Variants in GABRG2 observed in about 807,000 individuals in gnomAD.
GABRG2 encodes gamma-aminobutyric acid receptor subunit gamma-2.
In GABRG2, 16 loss-of-function variants were observed where a neutral mutation model predicts 56.4. That is an observed-to-expected ratio of 0.28 (90% CI 0.19 to 0.43). The LOEUF (loss-of-function observed/expected upper bound fraction) is 0.43, where lower values mean the gene tolerates loss of function less well. Ranked by LOEUF, GABRG2 falls within the 20% of genes least tolerant of loss-of-function variation. The pLI, the probability that GABRG2 is intolerant of heterozygous loss-of-function variation, is 1.00. For missense variants in GABRG2, 327 were observed against 582.7 expected (o/e 0.56, Z 4.52); for synonymous variants, 208 against 205.5 (o/e 1.01, Z -0.10).
At chr5:162,132,742 A>C (rs1358396087) in intron 6 of GABRG2, among the ~76,000 whole-genome samples, 1 of 152,050 alleles carries the variant, frequency 6.6e-6, no homozygotes, top group Non-Finnish European at 1.5e-5. Context: ...TCTCTTCTGA[A>C]GTGCTGAAAC....
chr5:162,089,802 T>A (rs1324702675), intron 1 of GABRG2, among the ~76,000 whole-genome samples: 3 of 152,122 alleles, frequency 2.0e-5, no homozygotes, highest in Non-Finnish European at 2.9e-5. Flanking sequence ...TATTTGCTGT[T>A]CTACTATCCT....
intron 6 of GABRG2, among the ~76,000 whole-genome samples, chr5:162,119,023 G>A (rs1561650721): frequency 6.6e-6 from 1 of 152,108 alleles, no homozygotes; most frequent in African/African-American, 2.4e-5. Flanking sequence ...AGGGGCATTT[G>A]AGAATGCTGG....
Position 162,067,969 on chromosome 5 carries a change from A to AAGAGGC in GABRG2, c.-30_-25dup, listed in dbSNP as rs1256503173. On this transcript the variant is annotated 5_prime_UTR_variant, in exon 1 of 10. Coordinates refer to ENST00000639213, the MANE Select transcript of GABRG2 (RefSeq NM_198904.4). ...AGGGATTCTTCTGCAACCAAGAGGC[A>AAGAGGC]AGAGGCGAGAGAAGGAAAAAAAAAA... 6.9e-7 allele frequency: 1 copy of AAGAGGC among 1,444,474 alleles called. No individual in the cohort carries two copies. The highest frequency in any genetic ancestry group is 2.3e-5 in the East Asian group (1 of 44,030). The allele number at this position is 1,444,474 out of a possible 1,614,324, so 89.5% of individuals were successfully genotyped here.
chr5:162,124,054 G>A (rs1014596632), intron 6 of GABRG2, among the ~76,000 whole-genome samples: 1 of 151,864 alleles, frequency 6.6e-6, no homozygotes, highest in Non-Finnish European at 1.5e-5. Context: ...GGGCCTGAGA[G>A]GCATGAGGAA....
At chr5:162,101,453 A>T in intron 5 of GABRG2, 136 bp downstream of exon 5, 2 of 719,804 alleles carry the variant, frequency 2.8e-6, no homozygotes, top group Non-Finnish European at 5.0e-6. Flanking sequence ...GATTTTGACC[A>T]TCTCTTTCAT....
chr5:162,080,043 G>T (rs1759526468), intron 1 of GABRG2, among the ~76,000 whole-genome samples: 1 of 152,148 alleles, frequency 6.6e-6, no homozygotes, highest in Non-Finnish European at 1.5e-5. Flanking sequence ...GTTGAGCTCT[G>T]AAGTACTGTG....
rs1328282402 is a variant in GABRG2, at chr5:162,078,404, T to G, written c.107+10298T>G. Among the ~76,000 whole-genome samples the G allele has an allele frequency of 1.6e-4, 16 of 99,890 alleles. No homozygotes were observed. The South Asian group carries it at 6.6e-3, about 41-fold the overall frequency. 65.5% of individuals were successfully genotyped at this position (99,890 alleles called of 152,430 possible). A position where few individuals can be genotyped will look rare whatever the true frequency, so the allele number is the denominator to read the frequency against. On this transcript the variant is annotated intron_variant, in intron 1 of 9. Coordinates refer to ENST00000639213, the MANE Select transcript of GABRG2 (RefSeq NM_198904.4). Reference sequence around the variant, plus strand: ...ATATATATATATATATATATTTTTTTTTTTTTTTTTTTTTTTTTTTGAGAC... The same window carrying G: ...ATATATATATATATATATATTTTTTGTTTTTTTTTTTTTTTTTTTTGAGAC...
intron 1 of GABRG2, among the ~76,000 whole-genome samples, chr5:162,090,861 C>A (rs1224936209): frequency 6.6e-6 from 1 of 151,966 alleles, no homozygotes; most frequent in East Asian, 1.9e-4. Flanking sequence ...CTGTTTCTGC[C>A]CAGACATTCT....
chr5:162,134,204 A>G (rs899994342), intron 6 of GABRG2, among the ~76,000 whole-genome samples: 7 of 152,274 alleles, frequency 4.6e-5, no homozygotes, highest in African/African-American at 1.7e-4. Context: ...TAGGCCTGCC[A>G]GTAGGTAGCT....
At chr5:162,112,983 C>T (rs1019759762) in intron 6 of GABRG2, among the ~76,000 whole-genome samples, 12 of 151,962 alleles carry the variant, frequency 7.9e-5, no homozygotes, top group Admixed American at 5.2e-4. Flanking sequence ...GACAGAGTCT[C>T]GCTCTGTTAC....
intron 6 of GABRG2, among the ~76,000 whole-genome samples, chr5:162,113,538 A>C (rs1473782160): frequency 6.6e-6 from 1 of 152,210 alleles, no homozygotes; most frequent in East Asian, 1.9e-4. Context: ...TTCTTTAGAA[A>C]CACTGGAGTA....
intron 6 of GABRG2, among the ~76,000 whole-genome samples, chr5:162,117,184 G>T (rs1461251107): frequency 6.6e-6 from 1 of 152,126 alleles, no homozygotes; most frequent in Non-Finnish European, 1.5e-5. Flanking sequence ...TAGGGTGATG[G>T]GAACAGTCAT....
At chr5:162,081,772 T>C (rs1346771648) in intron 1 of GABRG2, among the ~76,000 whole-genome samples, 1 of 151,874 alleles carries the variant, frequency 6.6e-6, no homozygotes, top group Non-Finnish European at 1.5e-5. Context: ...CAAGTCCAAG[T>C]GTGGTGAGGA....
intron 1 of GABRG2, among the ~76,000 whole-genome samples, chr5:162,092,638 A>G (rs905940580): frequency 6.6e-6 from 1 of 152,040 alleles, no homozygotes; most frequent in Non-Finnish European, 1.5e-5. Flanking sequence ...ATACTTGATG[A>G]CCGAGTATGA....
chr5:162,138,622 C>T (rs2113577458), intron 6 of GABRG2, among the ~76,000 whole-genome samples: 1 of 152,212 alleles, frequency 6.6e-6, no homozygotes, highest in East Asian at 1.9e-4. Context: ...AAGAAGAGTA[C>T]AACACTATTT....
intron 2 of GABRG2, chr5:162,094,662 G>A (rs1292013724): frequency 6.5e-6 from 1 of 152,800 alleles, no homozygotes; most frequent in Non-Finnish European, 1.5e-5. Flanking sequence ...AGAGGCAGAG[G>A]AATAGCCTTA....
chr5:162,068,105 G>A lies in GABRG2; in HGVS notation c.106G>A (p.Gly36Ser), dbSNP rs866056788. Residue 36 changes from glycine (G) to serine (S), a missense_variant and splice_region_variant, in exon 1 of 10, where the codon GGC (glycine) becomes AGC (serine). Physicochemically the swap from Gly to Ser is moderately conservative, Grantham distance 56. This residue lies in a region of GABRG2 where 73 missense variants were observed against 72.2 expected (regional missense o/e 1.01). Coordinates refer to ENST00000639213, the MANE Select transcript of GABRG2 (RefSeq NM_198904.4). ...WILLLLSLYP[G>S]FTSQKSDDDY... ...TCTGCTCCTGCTGTCGCTCTACCCTGGGTAAGATGTGCCCTTTTTGGCGTC... is the reference window on the plus strand; with the variant it reads ...TCTGCTCCTGCTGTCGCTCTACCCTAGGTAAGATGTGCCCTTTTTGGCGTC... 6.2e-7 allele frequency: 1 copy of A among 1,610,814 alleles called. No homozygotes were observed. The highest frequency in any genetic ancestry group is 8.5e-7 in the Non-Finnish European group (1 of 1,177,402).
chr5:162,142,697 A>G (rs898261046), intron 7 of GABRG2: 1 of 338,132 alleles, frequency 3.0e-6, no homozygotes, highest in East Asian at 7.7e-5. Flanking sequence ...GGAATTGAAC[A>G]ATGAGAACAC....
intron 8 of GABRG2, chr5:162,150,594 C>G (rs924656885): frequency 6.6e-6 from 1 of 152,196 alleles, no homozygotes; most frequent in African/African-American, 2.4e-5. Flanking sequence ...AGAGAATCAC[C>G]TGACAATCCT....
Sources: gnomAD v4.1 joint callset for allele counts (sites outside exome capture counted in the v4.1 genomes callset) on GRCh38, gnomAD v4.1.1 for gene constraint, gnomAD v4.1.1 regional missense constraint, MANE v1.5 for transcripts, NCBI Gene and HGNC (gene_info 2026-07-23, HGNC 2026-07-21) for gene names.